Variants in SIDT1 observed in about 807,000 individuals in gnomAD.
SIDT1 encodes the protein SID1 transmembrane family, member 1.
A neutral mutation model predicts 107.5 loss-of-function variants in SIDT1; 101 were observed. That is an observed-to-expected ratio of 0.94 (90% CI 0.80 to 1.11). SIDT1 has a LOEUF of 1.11. SIDT1 is among the 50% of genes least tolerant of loss of function. The pLI, the probability that SIDT1 is intolerant of heterozygous loss-of-function variation, is 0.00. For missense variants in SIDT1, 1,076 were observed against 1,058.2 expected (o/e 1.02, Z -0.23); for synonymous variants, 395 against 398.2 (o/e 0.99, Z 0.10).
At chr3:113,540,299 G>T (rs1419334408) in intron 1 of SIDT1, among the ~76,000 whole-genome samples, 1 of 152,100 alleles carries the variant, frequency 6.6e-6, no homozygotes. Context: ...CCTCTCATTA[G>T]GTCCCCACCT....
chr3:113,590,501 C>A (rs1042359621), intron 9 of SIDT1, among the ~76,000 whole-genome samples: 1 of 152,132 alleles, frequency 6.6e-6, no homozygotes, highest in African/African-American at 2.4e-5. Context: ...ATAAAATTCG[C>A]CCCTTTAAAG....
rs990523893 is a variant in SIDT1 at position 113,615,957 on chromosome 3, C to T, written c.1967-143C>T. ...CATTTTTCAAAGCAAATACTTATTG[C>T]GCACCTATTAGGTGCAAAGCATTCT... On this transcript the variant is annotated intron_variant, in intron 19 of 24. Coordinates refer to ENST00000264852, the MANE Select transcript of SIDT1 (RefSeq NM_017699.3). The T allele has an allele frequency of 2.9e-5, 20 of 698,554 alleles. 1 individual carries two copies. The highest frequency in any genetic ancestry group is 6.4e-5 in the South Asian group (4 of 62,330). 43.3% of individuals were successfully genotyped at this position (698,554 alleles called of 1,614,324 possible). A position where few individuals can be genotyped will look rare whatever the true frequency, so the allele number is the denominator to read the frequency against.
intron 1 of SIDT1, among the ~76,000 whole-genome samples, chr3:113,551,994 T>A (rs115203689): frequency 0.015 from 2,309 of 152,272 alleles, 36 homozygotes; most frequent in Middle Eastern, 0.031. Flanking sequence ...GGGTCCCCAC[T>A]AAGCCACCAT....
intron 1 of SIDT1, among the ~76,000 whole-genome samples, chr3:113,550,458 GT>G (rs1300043848): frequency 6.6e-6 from 1 of 152,182 alleles, no homozygotes; most frequent in African/African-American, 2.4e-5. Context: ...CTGTCTTCCA[GT>G]GGCGGAAGAT....
intron 3 of SIDT1, among the ~76,000 whole-genome samples, chr3:113,572,165 T>C (rs1383770273): frequency 6.6e-6 from 1 of 152,220 alleles, no homozygotes; most frequent in East Asian, 1.9e-4. Context: ...AGCTTGTAGA[T>C]GGTGGGGCCA....
chr3:113,548,857 G>T (rs1256937581), intron 1 of SIDT1, among the ~76,000 whole-genome samples: 3 of 151,952 alleles, frequency 2.0e-5, no homozygotes, highest in African/African-American at 7.3e-5. Flanking sequence ...CTGTGTCTTT[G>T]GGTCTTCATT....
intron 9 of SIDT1, among the ~76,000 whole-genome samples, chr3:113,588,332 A>G (rs1282970502): frequency 2.0e-5 from 3 of 152,164 alleles, no homozygotes; most frequent in Non-Finnish European, 2.9e-5. Context: ...TAGACTGAGG[A>G]AAAAAATGCT....
At chr3:113,599,652 A>C (rs143709145) in intron 10 of SIDT1, among the ~76,000 whole-genome samples, 204 of 152,352 alleles carry the variant, frequency 1.3e-3, no homozygotes, top group African/African-American at 4.8e-3. Flanking sequence ...AAAGTACTGC[A>C]TGGTCTCTCT....
At chr3:113,590,099 T>C (rs986311004) in intron 9 of SIDT1, 3 of 152,242 alleles carry the variant, frequency 2.0e-5, no homozygotes, top group Admixed American at 6.5e-5. Context: ...TTAGATTAGA[T>C]TTGATTGGCA....
At chr3:113,558,771 G>A (rs1052913654) in intron 1 of SIDT1, among the ~76,000 whole-genome samples, 2 of 152,152 alleles carry the variant, frequency 1.3e-5, no homozygotes, top group Admixed American at 6.5e-5. Flanking sequence ...TCCCAGTATC[G>A]ATGACGCTGT....
rs1219245087 is a variant in SIDT1, at chr3:113,602,898, A to T, written c.1118-107A>T. On this transcript the variant is annotated intron_variant, in intron 11 of 24. Coordinates refer to ENST00000264852, the MANE Select transcript of SIDT1 (RefSeq NM_017699.3). The stretch of plus-strand genomic sequence containing the variant: ...TGTGAATGAGAAGTTCATTTGGATC[A>T]ACACAGCATTTCCTAGAATGAGTCT... 6 of 1,185,974 alleles carry T rather than the reference A, an allele frequency of 5.1e-6. No homozygotes were observed. In the African/African-American group the frequency reaches 9.3e-5, roughly 18 times the overall value. The allele number at this position is 1,185,974 out of a possible 1,614,324, so 73.5% of individuals were successfully genotyped here.
intron 1 of SIDT1, among the ~76,000 whole-genome samples, chr3:113,541,653 G>A (rs1286877992): frequency 2.0e-5 from 3 of 152,124 alleles, no homozygotes; most frequent in African/African-American, 7.2e-5. Flanking sequence ...GAGGACTCAC[G>A]AGAACCATAT....
Position 113,611,022 on chromosome 3 carries a change from T to C in SIDT1, c.1735T>C (p.Tyr579His). The change falls in exon 18 of 25, where the codon TAC (tyrosine) becomes CAC (histidine). Residue 579 changes from tyrosine to histidine, a missense_variant. Tyr to His is a moderately conservative substitution (Grantham distance 83). Transcript: ENST00000264852. ...SNFQFDTSFM[Y>H]MIAGLCMLKL... ...TGGGTCCTCAGACACCTCCTTCATGTACATGATCGCTGGCCTGTGCATGCT... is the reference window on the plus strand; with the variant it reads ...TGGGTCCTCAGACACCTCCTTCATGCACATGATCGCTGGCCTGTGCATGCT... 1 of 1,614,006 alleles carries C rather than the reference T, an allele frequency of 6.2e-7. No individual in the cohort carries two copies. The highest frequency in any genetic ancestry group is 8.5e-7 in the Non-Finnish European group (1 of 1,179,934).
intron 13 of SIDT1, 44 bp downstream of exon 13, chr3:113,604,077 T>C: frequency 1.5e-6 from 2 of 1,366,386 alleles, no homozygotes; most frequent in East Asian, 2.5e-5. Flanking sequence ...TAAATAAACA[T>C]AGTTTTCTTA....
chr3:113,534,445 C>A (rs959950635), intron 1 of SIDT1, among the ~76,000 whole-genome samples: 4 of 152,228 alleles, frequency 2.6e-5, no homozygotes, highest in African/African-American at 9.6e-5. Context: ...CATGGCAGCA[C>A]AGCCCTCACC....
Position 113,608,167 on chromosome 3 carries a change from C to G in SIDT1, c.1552C>G (p.Arg518Gly). Residue 518 changes from arginine to glycine, a missense_variant, in exon 16 of 25, where the codon CGC (arginine) becomes GGC (glycine). Transcript: ENST00000264852. ...GFLFLLIVLRRDILHRRALEA... is the reference protein window; with the variant it reads ...GFLFLLIVLRGDILHRRALEA... ...CCTCTTCCTGCTGATAGTCTTGCGC[C>G]GCGACATCCTCCATCGGAGAGCCCT... 4 of 1,611,636 alleles carry G rather than the reference C, an allele frequency of 2.5e-6. No individual in the cohort carries two copies. The highest frequency in any genetic ancestry group is 3.4e-6 in the Non-Finnish European group (4 of 1,179,046).
intron 3 of SIDT1, among the ~76,000 whole-genome samples, chr3:113,572,373 C>T (rs1164858471): frequency 6.6e-6 from 1 of 152,172 alleles, no homozygotes; most frequent in African/African-American, 2.4e-5. Context: ...CCACATGATG[C>T]CTGGGCAAGA....
downstream of SIDT1, among the ~76,000 whole-genome samples, chr3:113,633,723 T>C (rs1210747175): frequency 6.6e-6 from 1 of 152,188 alleles, no homozygotes; most frequent in African/African-American, 2.4e-5. Context: ...ACACAGATGA[T>C]GCGTGGAGCC....
At chr3:113,595,186 G>T (rs545858836) in intron 10 of SIDT1, among the ~76,000 whole-genome samples, 1 of 152,288 alleles carries the variant, frequency 6.6e-6, no homozygotes, top group Admixed American at 6.5e-5. Context: ...ATTCTTTGTT[G>T]TTGGGGGCTA....
Sources: gnomAD v4.1 joint callset for allele counts (sites outside exome capture counted in the v4.1 genomes callset) on GRCh38, gnomAD v4.1.1 for gene constraint, MANE v1.5 for transcripts, NCBI Gene and HGNC (gene_info 2026-07-23, HGNC 2026-07-21) for gene names.